The following NAA40 variants were observed in gnomAD, a reference collection of about 807,000 sequenced individuals.
NAA40 encodes the protein N-alpha-acetyltransferase 40, NatD catalytic subunit.
A neutral mutation model predicts 36.6 loss-of-function variants in NAA40; 26 were observed. That is an observed-to-expected ratio of 0.71 (90% CI 0.52 to 0.98). The LOEUF (loss-of-function observed/expected upper bound fraction) is 0.98, where lower values mean the gene tolerates loss of function less well. NAA40 is among the 50% of genes least tolerant of loss of function. NAA40 has a pLI of 0.00. For missense variants in NAA40, 237 were observed against 306.5 expected (o/e 0.77, Z 1.69); for synonymous variants, 129 against 108.4 (o/e 1.19, Z -1.18).
At chr11:63,939,194 C>A in intron 1 of NAA40, 92 bp downstream of exon 1, 1 of 1,158,424 alleles carries the variant, frequency 8.6e-7, no homozygotes, top group East Asian at 6.4e-5. Flanking sequence ...TCACGTGACC[C>A]CGACCCCCTC....
chr11:63,949,552 G>A (rs1009172856), intron 3 of NAA40, among the ~76,000 whole-genome samples: 1 of 152,016 alleles, frequency 6.6e-6, no homozygotes, highest in African/African-American at 2.4e-5. Flanking sequence ...AGTATAATCT[G>A]CCTTACCTGA....
intron 2 of NAA40, chr11:63,946,237 A>G: frequency 3.0e-6 from 1 of 336,944 alleles, no homozygotes; most frequent in Non-Finnish European, 5.6e-6. Context: ...ACAGGGTCTC[A>G]CTCTGTCATC....
intron 1 of NAA40, among the ~76,000 whole-genome samples, chr11:63,942,131 C>T (rs569799839): frequency 6.5e-4 from 99 of 152,116 alleles, no homozygotes; most frequent in African/African-American, 2.3e-3. Flanking sequence ...GTGAACATAG[C>T]CAGATAAAGC....
rs1242110176 is a variant in NAA40, at chr11:63,956,047, C to G, written c.*1568C>G. On this transcript the variant is annotated 3_prime_UTR_variant, in exon 8 of 8. Transcript: ENST00000377793. ...CTTCTCACCTGGATTCCTGCTTGTG[C>G]AGGAGCCTGTGTACACAGGGCCTCC... The G allele has an allele frequency of 6.5e-6, 1 of 152,756 alleles. No individual in the cohort carries two copies. The highest frequency in any genetic ancestry group is 1.5e-5 in the Non-Finnish European group (1 of 68,148). The allele number at this position is 152,756 out of a possible 1,614,324, so 9.5% of individuals were successfully genotyped here. A position where few individuals can be genotyped will look rare whatever the true frequency, so the allele number is the denominator to read the frequency against.
At chr11:63,954,226 T>C (rs1942326901) in intron 7 of NAA40, 112 bp from the exon 8 acceptor site, 1 of 1,448,812 alleles carries the variant, frequency 6.9e-7, no homozygotes, top group Non-Finnish European at 9.3e-7. Flanking sequence ...GTCCACCTCC[T>C]GCACCCTCAT....
intron 1 of NAA40, among the ~76,000 whole-genome samples, chr11:63,943,735 A>C (rs1942143006): frequency 2.0e-5 from 3 of 152,094 alleles, no homozygotes; most frequent in Admixed American, 2.0e-4. Flanking sequence ...AGACAGGAGG[A>C]TCGCTTGAGC....
chr11:63,954,311 A>G, intron 7 of NAA40, 27 bp from the exon 8 acceptor site: 1 of 1,564,396 alleles, frequency 6.4e-7, no homozygotes. Flanking sequence ...GCCTGCCACC[A>G]ACCCTTTTCT....
chr11:63,952,757 T>C lies in NAA40; in HGVS notation c.412T>C (p.Tyr138His), dbSNP rs752315084. 5.0e-6 allele frequency: 8 copies of C among 1,613,996 alleles called. No individual in the cohort carries two copies. In the Admixed American group the frequency reaches 1.2e-4, roughly 24 times the overall value. Residue 138 changes from tyrosine to histidine, a missense_variant and splice_region_variant, in exon 6 of 8, where the codon TAT (tyrosine) becomes CAT (histidine). Tyr to His is a moderately conservative substitution (Grantham distance 83). Transcript: ENST00000377793. Reference protein sequence around the residue: ...VECGDEVLYCYEVQLESKVRR... With the variant: ...VECGDEVLYCHEVQLESKVRR... ...CACCTCTCTGCTTTCTTCACCTAGCTATGAAGTGCAGTTGGAAAGCAAGGT... is the reference window on the plus strand; with the variant it reads ...CACCTCTCTGCTTTCTTCACCTAGCCATGAAGTGCAGTTGGAAAGCAAGGT...
At chr11:63,951,644 C>T (rs547455861) in intron 3 of NAA40, among the ~76,000 whole-genome samples, 4 of 151,900 alleles carry the variant, frequency 2.6e-5, no homozygotes, top group Non-Finnish European at 4.4e-5. Context: ...CCATTCCTGC[C>T]TCAATCTGTT....
At chr11:63,950,741 C>T (rs1033510796) in intron 3 of NAA40, among the ~76,000 whole-genome samples, 15 of 152,114 alleles carry the variant, frequency 9.9e-5, no homozygotes, top group Non-Finnish European at 1.5e-4. Flanking sequence ...GGATTACAGG[C>T]GTGAGCCACT....
chr11:63,942,896 C>T (rs983406038), intron 1 of NAA40, among the ~76,000 whole-genome samples: 5 of 152,184 alleles, frequency 3.3e-5, no homozygotes, highest in Admixed American at 6.5e-5. Context: ...CACAAATCTA[C>T]TAGAGGCCCG....
In NAA40 at chr11:63,954,583, C is replaced by T; in HGVS notation, c.*104C>T. On this transcript the variant is annotated 3_prime_UTR_variant, in exon 8 of 8. Coordinates refer to ENST00000377793, the MANE Select transcript of NAA40 (RefSeq NM_024771.4). ...TCCTCAGAGCTGTGGCCTCCCCAGC[C>T]CTGCACGTGCCAGGCTGCGCCCTGA... 7.6e-7 allele frequency: 1 copy of T among 1,324,072 alleles called. No individual in the cohort carries two copies. The highest frequency in any genetic ancestry group is 1.0e-6 in the Non-Finnish European group (1 of 993,378). The allele number at this position is 1,324,072 out of a possible 1,614,324, so 82.0% of individuals were successfully genotyped here.
Position 63,952,502 on chromosome 11 carries a change from C to G in NAA40, c.347C>G (p.Ser116Cys). The G allele has an allele frequency of 6.2e-7, 1 of 1,614,154 alleles. No individual in the cohort carries two copies. Among genetic ancestry groups the G allele is most frequent in the Non-Finnish European group, 8.5e-7 (1 of 1,180,034 alleles). The change falls in exon 5 of 8, where the codon TCC becomes TGC. Residue 116 changes from serine (S) to cysteine (C), a missense_variant. Coordinates refer to ENST00000377793, the MANE Select transcript of NAA40 (RefSeq NM_024771.4). The stretch of plus-strand genomic sequence containing the variant: ...TACCTCATCGCGTGGGAAAACAGCT[C>G]CGTCCCTGTTGCCTTTTCTCACTTC... ...AWYLIAWENSSVPVAFSHFRF... is the reference protein window; with the variant it reads ...AWYLIAWENSCVPVAFSHFRF...
Position 63,954,324 on chromosome 11 carries a change from T to G in NAA40, c.573-14T>G, listed in dbSNP as rs538920276. 8.3e-6 allele frequency: 13 copies of G among 1,575,436 alleles called. No homozygotes were observed. The South Asian group carries it at 1.2e-4, about 14-fold the overall frequency. On this transcript the variant is annotated splice_polypyrimidine_tract_variant and intron_variant, in intron 7 of 7. Transcript: ENST00000377793. ...CTGCCTGCCACCAACCCTTTTCTCC[T>G]GCCTGCCTTGCAGATTTGAAATTGA...
At chr11:63,952,120 C>T in intron 3 of NAA40, 118 bp from the exon 4 acceptor site, 1 of 762,732 alleles carries the variant, frequency 1.3e-6, no homozygotes, top group Non-Finnish European at 2.1e-6. Flanking sequence ...ACAGGGTTGG[C>T]TTTTCTCTGT....
intron 1 of NAA40, among the ~76,000 whole-genome samples, chr11:63,944,459 CTTG>C (rs974535518): frequency 5.3e-5 from 8 of 152,114 alleles, no homozygotes; most frequent in East Asian, 1.9e-4. Flanking sequence ...CCTGTGCTCT[CTTG>C]TTGTCCTGGG....
intron 1 of NAA40, among the ~76,000 whole-genome samples, chr11:63,940,040 C>CTT (rs10618202): frequency 2.6e-5 from 2 of 77,794 alleles, no homozygotes; most frequent in South Asian, 6.7e-4. Flanking sequence ...TGGCTGTATT[C>CTT]TTTTTTTTTT....
At chr11:63,946,251 G>A in intron 2 of NAA40, 1 of 311,238 alleles carries the variant, frequency 3.2e-6, no homozygotes, top group South Asian at 4.1e-5. Context: ...TGTCATCCAG[G>A]CTGGAATGCA....
intron 3 of NAA40, among the ~76,000 whole-genome samples, chr11:63,948,611 G>C (rs903942315): frequency 3.3e-5 from 5 of 152,002 alleles, no homozygotes; most frequent in East Asian, 1.9e-4. Flanking sequence ...TCAGCTACTC[G>C]GGAGGCTGAG....
Sources: gnomAD v4.1 joint callset for allele counts (sites outside exome capture counted in the v4.1 genomes callset) on GRCh38, gnomAD v4.1.1 for gene constraint, MANE v1.5 for transcripts, NCBI Gene and HGNC (gene_info 2026-07-23, HGNC 2026-07-21) for gene names.